DENND1A: variants seen among roughly 807,000 people sequenced by gnomAD.
The protein encoded by DENND1A is DENN domain-containing protein 1A.
In DENND1A, 51 loss-of-function variants were observed where a neutral mutation model predicts 113.7. The ratio of observed to expected loss-of-function variants is 0.45; its 90% CI spans 0.36 to 0.57. DENND1A has a LOEUF of 0.57. Ranked by LOEUF, DENND1A falls within the 20% of genes least tolerant of loss-of-function variation. DENND1A has a pLI of 0.00. For synonymous variants in DENND1A, 565 were observed against 570.8 expected (o/e 0.99, Z 0.14); for missense variants, 1,258 against 1,395.9 (o/e 0.90, Z 1.57).
At chr9:123,494,422 T>C (rs972817009) in intron 13 of DENND1A, among the ~76,000 whole-genome samples, 17 of 152,188 alleles carry the variant, frequency 1.1e-4, no homozygotes, top group African/African-American at 3.6e-4. Flanking sequence ...GTTTCATAGA[T>C]GAGACAACTG....
chr9:123,900,073 A>T (rs1851364687), intron 1 of DENND1A, among the ~76,000 whole-genome samples: 1 of 152,250 alleles, frequency 6.6e-6, no homozygotes, highest in Non-Finnish European at 1.5e-5. Context: ...CCATAGATAA[A>T]GCACAACATT....
At chr9:123,902,733 A>C (rs1222836903) in intron 1 of DENND1A, among the ~76,000 whole-genome samples, 7 of 152,072 alleles carry the variant, frequency 4.6e-5, no homozygotes, top group Admixed American at 4.6e-4. Flanking sequence ...CAGAGAAAAA[A>C]AAAACACCAC....
At chr9:123,922,376 A>C (rs924077119) in intron 1 of DENND1A, among the ~76,000 whole-genome samples, 15 of 152,216 alleles carry the variant, frequency 9.9e-5, no homozygotes, top group Admixed American at 8.5e-4. Flanking sequence ...GTGAGCATAC[A>C]TCTGATAAAT....
At chr9:123,635,479 G>C (rs1162081270) in intron 9 of DENND1A, among the ~76,000 whole-genome samples, 1 of 152,200 alleles carries the variant, frequency 6.6e-6, no homozygotes, top group African/African-American at 2.4e-5. Flanking sequence ...AAAAGTATTC[G>C]AGTGTATACC....
chr9:123,517,107 G>T (rs986346198), intron 13 of DENND1A, among the ~76,000 whole-genome samples: 9 of 151,318 alleles, frequency 5.9e-5, no homozygotes. Flanking sequence ...AAAAAAGTTA[G>T]CCAGGCGTGG....
At chr9:123,730,486 C>T (rs1023228938) in intron 5 of DENND1A, among the ~76,000 whole-genome samples, 2 of 152,070 alleles carry the variant, frequency 1.3e-5, no homozygotes, top group African/African-American at 4.8e-5. Context: ...ATTTATACAG[C>T]CAACAAACAT....
intron 1 of DENND1A, among the ~76,000 whole-genome samples, chr9:123,894,856 A>G (rs1850473676): frequency 6.6e-6 from 1 of 152,208 alleles, no homozygotes. Context: ...TACAGCATTC[A>G]AGAGAAGCAC....
At chr9:123,574,827 T>C (rs934627262) in intron 12 of DENND1A, among the ~76,000 whole-genome samples, 3 of 152,208 alleles carry the variant, frequency 2.0e-5, no homozygotes, top group African/African-American at 7.2e-5. Flanking sequence ...CTTGCATATC[T>C]TAGATTACCA....
chr9:123,450,633 T>C (rs2047649836), intron 18 of DENND1A, 60 bp downstream of exon 18: 2 of 1,436,584 alleles, frequency 1.4e-6, no homozygotes, highest in African/African-American at 2.9e-5. Context: ...CCTCATACTT[T>C]TTTGTGGCCA....
At chr9:123,401,979 G>C in intron 21 of DENND1A, 1 of 1,599,426 alleles carries the variant, frequency 6.3e-7, no homozygotes, top group Non-Finnish European at 8.6e-7. Context: ...CTGTATCCTG[G>C]TACAGTGTCT....
intron 10 of DENND1A, among the ~76,000 whole-genome samples, chr9:123,613,412 G>A (rs758341979): frequency 1.4e-4 from 21 of 151,576 alleles, no homozygotes; most frequent in Non-Finnish European, 2.5e-4. Flanking sequence ...AGGCATAAAC[G>A]TCCATGTTTT....
chr9:123,457,095 G>A (rs1284424677), intron 15 of DENND1A, among the ~76,000 whole-genome samples: 2 of 152,166 alleles, frequency 1.3e-5, no homozygotes, highest in Non-Finnish European at 2.9e-5. Context: ...AGTGGACCAC[G>A]CTGGCTACTA....
At chr9:123,739,926 A>G (rs1366961103) in intron 5 of DENND1A, among the ~76,000 whole-genome samples, 3 of 151,890 alleles carry the variant, frequency 2.0e-5, no homozygotes, top group East Asian at 1.9e-4. Flanking sequence ...ATAGGAGAAA[A>G]AAAAAAAAAA....
chr9:123,652,708 C>T (rs928171728), intron 8 of DENND1A, among the ~76,000 whole-genome samples: 1 of 152,140 alleles, frequency 6.6e-6, no homozygotes, highest in Admixed American at 6.5e-5. Context: ...TTTGCTAAAA[C>T]GGCTCAGCTG....
At chr9:123,394,937 T>C (rs1029545968) in intron 21 of DENND1A, among the ~76,000 whole-genome samples, 1 of 152,242 alleles carries the variant, frequency 6.6e-6, no homozygotes, top group African/African-American at 2.4e-5. Context: ...GGGACCTGGC[T>C]GCCCGGGTGC....
intron 2 of DENND1A, among the ~76,000 whole-genome samples, chr9:123,803,846 C>T (rs2132284665): frequency 6.6e-6 from 1 of 152,304 alleles, no homozygotes; most frequent in South Asian, 2.1e-4. Flanking sequence ...TTGTCGCCTC[C>T]TACTCTCTTG....
chr9:123,804,627 C>T (rs1337341103), intron 2 of DENND1A, among the ~76,000 whole-genome samples: 1 of 152,230 alleles, frequency 6.6e-6, no homozygotes, highest in Non-Finnish European at 1.5e-5. Context: ...TAACTGTCTA[C>T]TCAACATCTC....
intron 5 of DENND1A, among the ~76,000 whole-genome samples, chr9:123,723,719 G>A (rs2067502545): frequency 6.6e-6 from 1 of 152,114 alleles, no homozygotes; most frequent in African/African-American, 2.4e-5. Context: ...TGATTGTGAG[G>A]CCTCCCCAGC....
At chr9:123,737,701 T>C (rs1300719326) in intron 5 of DENND1A, among the ~76,000 whole-genome samples, 1 of 152,214 alleles carries the variant, frequency 6.6e-6, no homozygotes, top group East Asian at 1.9e-4. Flanking sequence ...CCAGGGGTCT[T>C]AGCAGCCATC....
Sources: gnomAD v4.1 joint callset for allele counts (sites outside exome capture counted in the v4.1 genomes callset) on GRCh38, gnomAD v4.1.1 for gene constraint, MANE v1.5 for transcripts, NCBI Gene and HGNC (gene_info 2026-07-23, HGNC 2026-07-21) for gene names.